RHBDL2: variants seen among roughly 807,000 people sequenced by gnomAD.
RHBDL2 encodes rhomboid like 2, also known as rhomboid-related protein 2.
Under a neutral mutation model 31.7 loss-of-function variants are expected in RHBDL2, and 26 were observed. The observed-to-expected ratio is 0.82, with a 90% confidence interval of 0.60 to 1.14. The LOEUF (loss-of-function observed/expected upper bound fraction) is 1.14. RHBDL2 is among the 50% of genes most tolerant of loss of function. The pLI is 0.00. For missense variants in RHBDL2, 336 were observed against 364.4 expected, an observed-to-expected ratio of 0.92 and a Z score of 0.63; for synonymous variants, 123 against 127.2, an observed-to-expected ratio of 0.97 and a Z score of 0.22.
intron 1 of RHBDL2, among the ~76,000 whole-genome samples, chr1:38,933,230 G>A (rs1643457468): frequency 6.6e-6 from 1 of 151,962 alleles, no homozygotes; most frequent in African/African-American, 2.4e-5. Flanking sequence ...CTGTCTCAAG[G>A]TCTTTGTACT....
At chr1:38,888,500 G>A (rs1400867324) in intron 6 of RHBDL2, among the ~76,000 whole-genome samples, 1 of 152,182 alleles carries the variant, frequency 6.6e-6, no homozygotes, top group Non-Finnish European at 1.5e-5. Context: ...GTGTCAAGGA[G>A]GATCTCTTTG....
At position 38,911,311 on chromosome 1, in the gene RHBDL2, A is replaced by G; in HGVS notation, c.508+11T>C. On this transcript the variant is annotated intron_variant, in intron 4 of 7. Transcript: ENST00000372990. ...AGAGGTATTGATTCTGTGTTACCTCAGAACACTGACCTGCAATCACTCCTG... is the reference window on the plus strand; with the variant it reads ...AGAGGTATTGATTCTGTGTTACCTCGGAACACTGACCTGCAATCACTCCTG... 6.4e-7 allele frequency: 1 copy of G among 1,562,048 alleles called. No homozygotes were observed. Among genetic ancestry groups the G allele is most frequent in the South Asian group, 1.1e-5 (1 of 89,956 alleles).
intron 4 of RHBDL2, among the ~76,000 whole-genome samples, chr1:38,903,790 C>G (rs940226544): frequency 1.2e-4 from 18 of 152,060 alleles, no homozygotes; most frequent in African/African-American, 3.1e-4. Context: ...GGAGTGCTAG[C>G]CCTTCCTGAT....
chr1:38,940,353 C>T (rs987630782), intron 1 of RHBDL2, among the ~76,000 whole-genome samples: 1 of 152,092 alleles, frequency 6.6e-6, no homozygotes, highest in Non-Finnish European at 1.5e-5. Context: ...TAATCCCATG[C>T]CTATGTGGCT....
chr1:38,894,707 C>CTTTTTTTTTTTTTTTTTTTTTTTTTTTT (rs71057159), intron 5 of RHBDL2, among the ~76,000 whole-genome samples: 2 of 114,190 alleles, frequency 1.8e-5, no homozygotes, highest in Admixed American at 1.0e-4. Context: ...CTTTTTTTTT[C>CTTTTTTTTTTTTTTTTTTTTTTTTTTTT]TTTTTTTTTT....
Position 38,918,995 on chromosome 1 carries a change from A to G in RHBDL2, c.218T>C (p.Val73Ala), listed in dbSNP as rs758203527. ...GGCCAGGCTGATGGAGATGATGAAC[A>G]CGGGAGGCGGGAAGCAGTTAGCTCT... ...LERANCFPPP[V>A]FIISISLAEL... The change falls in exon 2 of 8, where the codon GTG becomes GCG. Residue 73 changes from valine (V) to alanine (A), a missense_variant. By Grantham distance (64) the Val-to-Ala change is moderately conservative. Transcript: ENST00000372990. The G allele has an allele frequency of 8.7e-6, 14 of 1,613,878 alleles. No individual in the cohort carries two copies. The highest frequency in any genetic ancestry group is 1.2e-5 in the Non-Finnish European group (14 of 1,179,828).
intron 1 of RHBDL2, among the ~76,000 whole-genome samples, chr1:38,935,865 T>C (rs12038170): frequency 0.15 from 23,193 of 152,040 alleles, 3,614 homozygotes; most frequent in African/African-American, 0.39. Context: ...CTGCCCACCT[T>C]GGCCCCCTGA....
intron 1 of RHBDL2, chr1:38,929,647 G>A: frequency 8.4e-7 from 1 of 1,186,928 alleles, no homozygotes; most frequent in African/African-American, 1.6e-5. Context: ...CTGGGCAGCG[G>A]GCTGTGCTGG....
At chr1:38,928,777 T>A (rs184303109) in intron 1 of RHBDL2, among the ~76,000 whole-genome samples, 1 of 151,996 alleles carries the variant, frequency 6.6e-6, no homozygotes, top group African/African-American at 2.4e-5. Flanking sequence ...TAAAAAATAA[T>A]GGGCCAGGCA....
chr1:38,906,119 C>T (rs576197658), intron 4 of RHBDL2, among the ~76,000 whole-genome samples: 27 of 151,038 alleles, frequency 1.8e-4, no homozygotes, highest in African/African-American at 6.3e-4. Flanking sequence ...GCGAAATACT[C>T]ATTGCTTTCT....
intron 1 of RHBDL2, among the ~76,000 whole-genome samples, chr1:38,939,702 G>C (rs551433773): frequency 4.6e-5 from 7 of 152,094 alleles, no homozygotes; most frequent in Admixed American, 1.3e-4. Context: ...ACCACACCAG[G>C]CTAATTTTGT....
intron 6 of RHBDL2, among the ~76,000 whole-genome samples, chr1:38,890,761 A>G (rs775924807): frequency 6.6e-6 from 1 of 151,096 alleles, no homozygotes; most frequent in Admixed American, 6.6e-5. Flanking sequence ...CTACAGTGGC[A>G]TGTTCACGGC....
chr1:38,908,465 C>G (rs1266376426), intron 4 of RHBDL2, among the ~76,000 whole-genome samples: 1 of 138,202 alleles, frequency 7.2e-6, no homozygotes, highest in Non-Finnish European at 1.5e-5. Context: ...TGAGCTGAGA[C>G]TGCACCATTG....
intron 6 of RHBDL2, among the ~76,000 whole-genome samples, chr1:38,888,469 C>G (rs1047502738): frequency 6.6e-6 from 1 of 152,176 alleles, no homozygotes; most frequent in Admixed American, 6.5e-5. Context: ...TGCCAGTTGT[C>G]GAGTGTGATT....
chr1:38,937,628 A>G (rs1643524640), intron 1 of RHBDL2, among the ~76,000 whole-genome samples: 1 of 152,126 alleles, frequency 6.6e-6, no homozygotes, highest in Non-Finnish European at 1.5e-5. Flanking sequence ...CACTGGGCAC[A>G]CTCAGAGCTA....
intron 4 of RHBDL2, among the ~76,000 whole-genome samples, chr1:38,909,555 A>G (rs1011371254): frequency 2.6e-5 from 4 of 152,158 alleles, no homozygotes; most frequent in African/African-American, 7.2e-5. Context: ...CAGCCTGGCC[A>G]ACATGGTGAA....
chr1:38,921,096 A>G (rs1005076340), intron 1 of RHBDL2, among the ~76,000 whole-genome samples: 2 of 152,202 alleles, frequency 1.3e-5, no homozygotes, highest in Admixed American at 6.5e-5. Context: ...TACTTGAGAT[A>G]ATGCATGTAA....
rs192219156 is a variant in RHBDL2, at chr1:38,920,983, C to T, written c.-125-1646G>A. On this transcript the variant is annotated intron_variant, in intron 1 of 7. Transcript: ENST00000372990. ...ATACCTATGAGTGGAATTGCTGGGTCATATGGTAATTAATTCTATGTTTAA... is the reference window on the plus strand; with the variant it reads ...ATACCTATGAGTGGAATTGCTGGGTTATATGGTAATTAATTCTATGTTTAA... Among the ~76,000 whole-genome samples, 643 of 152,186 alleles carry T rather than the reference C, an allele frequency of 4.2e-3. 19 individuals are homozygous for T. The highest frequency in any genetic ancestry group is 0.036 in the Admixed American group (546 of 15,276).
At chr1:38,890,404 C>T (rs1642839896) in intron 6 of RHBDL2, among the ~76,000 whole-genome samples, 1 of 152,126 alleles carries the variant, frequency 6.6e-6, no homozygotes, top group African/African-American at 2.4e-5. Context: ...AAAAACACTG[C>T]CACATAACTG....
Sources: allele counts gnomAD v4.1 joint callset (sites outside exome capture counted in the v4.1 genomes callset), GRCh38; gene constraint gnomAD v4.1.1; transcripts MANE v1.5; gene names NCBI Gene and HGNC (gene_info 2026-07-23, HGNC 2026-07-21).